The following NUB1 variants were observed in gnomAD, a reference collection of about 807,000 sequenced individuals.
NUB1 encodes the protein negative regulator of ubiquitin like proteins 1, also known as NEDD8 ultimate buster 1.
Under a neutral mutation model 77.1 loss-of-function variants are expected in NUB1, and 41 were observed. That is an observed-to-expected ratio of 0.53 (90% CI 0.41 to 0.69). NUB1 has a LOEUF of 0.69. Among genes scored for constraint, NUB1 ranks in the 30% least tolerant of loss-of-function variants. The probability of loss-of-function intolerance (pLI) is 0.00; values close to 1 mark genes in which losing one functional copy is unlikely to be tolerated. For synonymous variants in NUB1, 257 were observed against 281.0 expected, an observed-to-expected ratio of 0.91 and a Z score of 0.85; for missense variants, 643 against 743.8, an observed-to-expected ratio of 0.86 and a Z score of 1.58.
At chr7:151,346,658 T>C (rs1192280619) in intron 2 of NUB1, among the ~76,000 whole-genome samples, 2 of 152,230 alleles carry the variant, frequency 1.3e-5, no homozygotes, top group African/African-American at 4.8e-5. Context: ...CACATCCACA[T>C]GTCGGGATGT....
intron 7 of NUB1, among the ~76,000 whole-genome samples, chr7:151,359,652 C>G (rs1159037152): frequency 6.6e-6 from 1 of 152,024 alleles, no homozygotes; most frequent in African/African-American, 2.4e-5. Flanking sequence ...TGGCTCATGC[C>G]TGTAGTCCTA....
intron 10 of NUB1, 36 bp from the exon 11 acceptor site, chr7:151,368,699 C>G (rs376804754): frequency 6.4e-7 from 1 of 1,565,024 alleles, no homozygotes. Context: ...TAAGTATTGC[C>G]GTGGTTACAT....
intron 8 of NUB1, among the ~76,000 whole-genome samples, chr7:151,365,578 CG>C (rs1159947787): frequency 2.6e-5 from 4 of 152,130 alleles, no homozygotes; most frequent in Non-Finnish European, 4.4e-5. Context: ...AATCTCAACA[CG>C]ACTGTGAGAT....
chr7:151,345,813 G>A (rs760271994), intron 2 of NUB1, among the ~76,000 whole-genome samples: 1 of 151,990 alleles, frequency 6.6e-6, no homozygotes, highest in African/African-American at 2.4e-5. Flanking sequence ...GCTCATTCTC[G>A]GTCCTCCTTG....
chr7:151,373,987 T>C, intron 11 of NUB1, 110 bp from the exon 12 acceptor site: 1 of 1,251,258 alleles, frequency 8.0e-7, no homozygotes, highest in Non-Finnish European at 1.1e-6. Flanking sequence ...GTGCTTTGCT[T>C]TGGTTTTTTG....
chr7:151,359,020 G>C (rs1187434520), intron 7 of NUB1, among the ~76,000 whole-genome samples: 1 of 151,686 alleles, frequency 6.6e-6, no homozygotes, highest in Non-Finnish European at 1.5e-5. Context: ...AGCCGAGATC[G>C]CGCCACTGCA....
intron 5 of NUB1, among the ~76,000 whole-genome samples, chr7:151,354,078 A>G (rs911311469): frequency 6.6e-6 from 1 of 152,188 alleles, no homozygotes; most frequent in Admixed American, 6.5e-5. Context: ...CTTGAATATT[A>G]GCTTAATCTA....
Position 151,368,759 on chromosome 7 carries a change from T to C in NUB1, c.1120T>C (p.Tyr374His), listed in dbSNP as rs758643365. ...GGCACGTCAGCTCTTTAAAGAGCTA[T>C]ATATTGATCCATCAAAAGTGGACAA... ...NKARQLFKEL[Y>H]IDPSKVDNLL... is the part of the protein sequence containing the mutation. The change falls in exon 11 of 15, where the codon TAT becomes CAT. Residue 374 changes from tyrosine (Y) to histidine (H), a missense_variant. Physicochemically the swap from Tyr to His is moderately conservative, Grantham distance 83 (BLOSUM62 2). Transcript: ENST00000568733. 5.6e-6 allele frequency: 9 copies of C among 1,613,652 alleles called. No homozygotes were observed. Among genetic ancestry groups the C allele is most frequent in the South Asian group, 3.3e-5 (3 of 90,962 alleles).
intron 5 of NUB1, among the ~76,000 whole-genome samples, chr7:151,355,019 C>T (rs1302313897): frequency 6.6e-6 from 1 of 152,270 alleles, no homozygotes; most frequent in Middle Eastern, 3.4e-3. Context: ...ACTGAGATTA[C>T]AGGTGTGAAC....
At chr7:151,367,352 A>C (rs1797741353) in intron 9 of NUB1, among the ~76,000 whole-genome samples, 1 of 152,218 alleles carries the variant, frequency 6.6e-6, no homozygotes, top group Non-Finnish European at 1.5e-5. Flanking sequence ...ATGGTTTGCT[A>C]GTCATAGAAC....
At chr7:151,344,212 A>AGT (rs1796362147) in intron 1 of NUB1, among the ~76,000 whole-genome samples, 1 of 136,648 alleles carries the variant, frequency 7.3e-6, no homozygotes, top group African/African-American at 2.7e-5. Flanking sequence ...AAAAAAAAAA[A>AGT]AGTAGATGTG....
chr7:151,355,831 A>G lies in NUB1; in HGVS notation c.479A>G (p.Gln160Arg). The change falls in exon 6 of 15, where the codon CAA becomes CGA. Residue 160 changes from glutamine (Q) to arginine (R), a missense_variant. Coordinates refer to ENST00000568733, the MANE Select transcript of NUB1 (RefSeq NM_001243351.2). Reference protein sequence around the residue: ...NVKAMVLELKQSEEDARKNFQ... With the variant: ...NVKAMVLELKRSEEDARKNFQ... ...AAAGCGATGGTGCTTGAACTAAAAC[A>G]ATCTGAAGAGGACGCGAGGAAAAAC... The G allele has an allele frequency of 1.2e-6, 2 of 1,611,648 alleles. No homozygotes were observed. The highest frequency in any genetic ancestry group is 1.7e-6 in the Non-Finnish European group (2 of 1,178,758).
rs763057927 is a variant in NUB1 at position 151,345,395 on chromosome 7, A to C, written c.46A>C (p.Arg16=). 1.2e-6 allele frequency: 2 copies of C among 1,612,886 alleles called. No homozygotes were observed. Among genetic ancestry groups the C allele is most frequent in the Admixed American group, 3.3e-5 (2 of 59,836 alleles). ...TCAAGCAAAATTGACCCAGTTTTTA[A>C]GGGAAGACAGGATTCAACTTTGGAA... ...YLQAKLTQFL[R]EDRIQLWKPP... Residue 16 remains arginine (R), a synonymous_variant, in exon 2 of 15, where the codon AGG becomes CGG. Transcript: ENST00000568733.
intron 3 of NUB1, among the ~76,000 whole-genome samples, chr7:151,349,482 T>A (rs1796684199): frequency 6.6e-6 from 1 of 152,242 alleles, no homozygotes; most frequent in African/African-American, 2.4e-5. Flanking sequence ...TGTCACATTC[T>A]GATCCTTTCT....
intron 11 of NUB1, among the ~76,000 whole-genome samples, chr7:151,370,694 T>TC (rs1194851697): frequency 1.4e-5 from 1 of 71,526 alleles, no homozygotes; most frequent in Admixed American, 1.5e-4. Flanking sequence ...CCCTCCCCCC[T>TC]CCCCCCACCC....
At chr7:151,376,857 C>T (rs1263453561) in intron 14 of NUB1, 46 bp downstream of exon 14, 3 of 1,528,900 alleles carry the variant, frequency 2.0e-6, no homozygotes, top group Admixed American at 2.0e-5. Flanking sequence ...AAAGTGTCTT[C>T]AGAAGCCAAC....
At chr7:151,344,180 C>CAAAAAAAAAAAAAAAAA (rs561127147) in intron 1 of NUB1, among the ~76,000 whole-genome samples, 12 of 45,644 alleles carry the variant, frequency 2.6e-4, no homozygotes, top group Non-Finnish European at 4.5e-4. Context: ...GACTCCCTCT[C>CAAAAAAAAAAAAAAAAA]AAAAAAAAAA....
chr7:151,355,646 C>T (rs1375709358), intron 5 of NUB1, 122 bp from the exon 6 acceptor site: 5 of 987,090 alleles, frequency 5.1e-6, no homozygotes, highest in Non-Finnish European at 7.3e-6. Flanking sequence ...GCACTCCAGC[C>T]TGGGTGACAG....
At chr7:151,352,768 C>G in intron 4 of NUB1, 44 bp from the exon 5 acceptor site, 1 of 1,240,330 alleles carries the variant, frequency 8.1e-7, no homozygotes, top group Non-Finnish European at 1.2e-6. Flanking sequence ...GATAATAAAT[C>G]GCAATTTTGT....
Sources: allele counts gnomAD v4.1 joint callset (sites outside exome capture counted in the v4.1 genomes callset), GRCh38; gene constraint gnomAD v4.1.1; transcripts MANE v1.5; gene names NCBI Gene and HGNC (gene_info 2026-07-23, HGNC 2026-07-21).